The following PDE1A variants were observed in gnomAD, a reference collection of about 807,000 sequenced individuals.
PDE1A encodes the protein dual specificity calcium/calmodulin-dependent 3',5'-cyclic nucleotide phosphodiesterase 1A.
PDE1A carries 35 observed loss-of-function variants against 61.7 expected under a neutral mutation model. That is an observed-to-expected ratio of 0.57 (90% CI 0.43 to 0.75). The LOEUF (loss-of-function observed/expected upper bound fraction) is 0.75. PDE1A is among the 30% of genes least tolerant of loss of function. PDE1A has a pLI of 0.00. For synonymous variants in PDE1A, 232 were observed against 213.2 expected (o/e 1.09, Z -0.77); for missense variants, 597 against 630.6 (o/e 0.95, Z 0.57).
chr2:182,169,690 C>A (rs1380347339), intron 13 of PDE1A, among the ~76,000 whole-genome samples: 3 of 152,024 alleles, frequency 2.0e-5, no homozygotes, highest in South Asian at 2.1e-4. Flanking sequence ...CAGACCACCC[C>A]TACTTTCAAA....
chr2:182,219,692 G>T (rs1688556128), intron 7 of PDE1A, among the ~76,000 whole-genome samples: 1 of 151,916 alleles, frequency 6.6e-6, no homozygotes. Context: ...CTTTTCAGTG[G>T]GTAAAGTCCT....
intron 1 of PDE1A, among the ~76,000 whole-genome samples, chr2:182,327,150 G>A (rs1221362131): frequency 6.6e-6 from 1 of 152,070 alleles, no homozygotes; most frequent in Non-Finnish European, 1.5e-5. Context: ...ACATTTCTTT[G>A]AACAAGACAG....
the PDE1A span, among the ~76,000 whole-genome samples, chr2:182,670,961 G>A: frequency 7.2e-3 from 1,090 of 151,826 alleles, 15 homozygotes; most frequent in South Asian, 0.044. Context: ...GGTTTTACAG[G>A]CGTACACCAC....
At chr2:182,217,985 C>T (rs949857047) in intron 7 of PDE1A, among the ~76,000 whole-genome samples, 24 of 150,670 alleles carry the variant, frequency 1.6e-4, no homozygotes, top group Middle Eastern at 3.4e-3. Context: ...TTTATTGCGG[C>T]ACTATTCACA....
intron 1 of PDE1A, among the ~76,000 whole-genome samples, chr2:182,289,678 T>A (rs1694397956): frequency 6.6e-6 from 1 of 152,150 alleles, no homozygotes; most frequent in African/African-American, 2.4e-5. Context: ...AATTTCCTTA[T>A]TGGATTTCTA....
the PDE1A span, among the ~76,000 whole-genome samples, chr2:182,627,943 CA>C: frequency 5.6e-4 from 69 of 124,294 alleles, no homozygotes; most frequent in East Asian, 6.5e-4. Flanking sequence ...GACTCCATCT[CA>C]AAAAAAAAAA....
At chr2:182,709,110 A>T in the PDE1A span, among the ~76,000 whole-genome samples, 1 of 152,066 alleles carries the variant, frequency 6.6e-6, no homozygotes, top group Non-Finnish European at 1.5e-5. Flanking sequence ...AATAGACTTC[A>T]TGATCTCAAA....
At chr2:182,328,698 G>T (rs369707103) in intron 1 of PDE1A, among the ~76,000 whole-genome samples, 2 of 152,098 alleles carry the variant, frequency 1.3e-5, no homozygotes, top group South Asian at 2.1e-4. Context: ...AGAGAGTGAG[G>T]AGAAAATCTA....
At chr2:182,548,016 T>C in the PDE1A span, among the ~76,000 whole-genome samples, 1 of 152,178 alleles carries the variant, frequency 6.6e-6, no homozygotes, top group Admixed American at 6.5e-5. Flanking sequence ...ATCACAATTT[T>C]TCCTGGGACT....
At chr2:182,550,424 AG>A in the PDE1A span, among the ~76,000 whole-genome samples, 1 of 152,202 alleles carries the variant, frequency 6.6e-6, no homozygotes, top group African/African-American at 2.4e-5. Flanking sequence ...TCTCTGGCAC[AG>A]ATCATCAGAA....
At chr2:182,554,554 T>G in the PDE1A span, among the ~76,000 whole-genome samples, 1 of 152,300 alleles carries the variant, frequency 6.6e-6, no homozygotes, top group Non-Finnish European at 1.5e-5. Context: ...AGACCTAGAT[T>G]TGAGTTCCTA....
intron 1 of PDE1A, among the ~76,000 whole-genome samples, chr2:182,347,905 A>G (rs1015405439): frequency 3.9e-5 from 6 of 152,178 alleles, no homozygotes; most frequent in African/African-American, 1.2e-4. Flanking sequence ...TGAGGGGAAA[A>G]GTAAAAGAAA....
intron 13 of PDE1A, chr2:182,185,679 C>T (rs1685140254): frequency 1.3e-6 from 1 of 768,176 alleles, no homozygotes; most frequent in Non-Finnish European, 2.0e-6. Context: ...ACACACAGAT[C>T]TGCAGCCCAT....
chr2:182,577,677 C>T, the PDE1A span, among the ~76,000 whole-genome samples: 1 of 152,158 alleles, frequency 6.6e-6, no homozygotes, highest in African/African-American at 2.4e-5. Context: ...ATTGCACTTA[C>T]AGAATTGCCA....
chr2:182,486,132 A>T (rs1047496158), intron 2 of PDE1A, among the ~76,000 whole-genome samples: 2 of 144,658 alleles, frequency 1.4e-5, no homozygotes, highest in Admixed American at 6.8e-5. Flanking sequence ...TGATCAATAT[A>T]AAAAAAATTC....
chr2:182,211,328 T>A (rs1286316316), intron 7 of PDE1A, among the ~76,000 whole-genome samples: 6 of 152,228 alleles, frequency 3.9e-5, no homozygotes, highest in Non-Finnish European at 8.8e-5. Flanking sequence ...TTGACTATAT[T>A]TTTTGTAGGT....
the PDE1A span, among the ~76,000 whole-genome samples, chr2:182,555,328 T>C: frequency 2.0e-5 from 3 of 152,222 alleles, no homozygotes; most frequent in East Asian, 5.8e-4. Context: ...GAGCGTTTGA[T>C]AATAGAAGTA....
Position 182,471,727 on chromosome 2 carries a change from G to T in PDE1A, c.101+50549C>A, listed in dbSNP as rs529009915. 3.3e-5 allele frequency among the ~76,000 whole-genome samples: 5 copies of T among 151,404 alleles called. No homozygotes were observed. In the East Asian group the frequency reaches 9.7e-4, roughly 29 times the overall value. ...GTGAATGTCAACAAGAAAGTCAATG[G>T]TTCAGCAATACGGTGGCTAAAAGAG... is the stretch of plus-strand genomic sequence containing the variant. On this transcript the variant is annotated intron_variant, in intron 2 of 14. Coordinates refer to the PDE1A transcript ENST00000410103.
chr2:182,297,401 T>C (rs1694958194), intron 1 of PDE1A, among the ~76,000 whole-genome samples: 1 of 152,220 alleles, frequency 6.6e-6, no homozygotes, highest in South Asian at 2.1e-4. Context: ...TTTTAATCTT[T>C]ATCCTTGGGC....
Sources: gnomAD v4.1 joint callset for allele counts (sites outside exome capture counted in the v4.1 genomes callset) on GRCh38, gnomAD v4.1.1 for gene constraint, MANE v1.5 for transcripts, NCBI Gene and HGNC (gene_info 2026-07-23, HGNC 2026-07-21) for gene names.